The following S1PR2 variants were observed in gnomAD, a reference collection of about 807,000 sequenced individuals.
The protein encoded by S1PR2 is sphingosine-1-phosphate receptor 2.
In S1PR2, 9 loss-of-function variants were observed where a neutral mutation model predicts 16.1. The observed-to-expected ratio is 0.56, with a 90% CI of 0.34 to 0.98. The LOEUF (loss-of-function observed/expected upper bound fraction) is 0.98. Ranked by LOEUF, S1PR2 falls within the 50% of genes least tolerant of loss-of-function variation. The probability of loss-of-function intolerance (pLI) is 0.02; values close to 1 mark genes in which losing one functional copy is unlikely to be tolerated. For synonymous variants in S1PR2, 224 were observed against 233.9 expected (o/e 0.96, Z 0.38); for missense variants, 361 against 488.4 (o/e 0.74, Z 2.46).
rs763419270 is a variant in S1PR2 at position 10,223,840 on chromosome 19, AC to A, written c.*3del. 2.7e-5 allele frequency: 41 copies of A among 1,526,198 alleles called. No homozygotes were observed. Among genetic ancestry groups the A allele is most frequent in the Non-Finnish European group, 3.5e-5 (40 of 1,139,078 alleles). The allele number at this position is 1,526,198 out of a possible 1,614,324, so 94.5% of individuals were successfully genotyped here. A position where few individuals can be genotyped will look rare whatever the true frequency, so the allele number is the denominator to read the frequency against. On this transcript the variant is annotated 3_prime_UTR_variant, in exon 2 of 2. Coordinates refer to ENST00000646641, the MANE Select transcript of S1PR2 (RefSeq NM_004230.4). ...CTGGCCTGGTTGTTGGTCCACCCCC[AC>A]CCTCAGACCACCGTGTTGCCCTCCA...
At chr19:10,227,370 C>T (rs950805154) in intron 1 of S1PR2, among the ~76,000 whole-genome samples, 20 of 152,102 alleles carry the variant, frequency 1.3e-4, no homozygotes, top group Non-Finnish European at 4.4e-5. Flanking sequence ...CATCCTGGCC[C>T]CTGGCTGGAT....
Position 10,223,558 on chromosome 19 carries a change from C to T in S1PR2, c.*286G>A. On this transcript the variant is annotated 3_prime_UTR_variant, in exon 2 of 2. Coordinates refer to ENST00000646641, the MANE Select transcript of S1PR2 (RefSeq NM_004230.4). Reference sequence around the variant, plus strand: ...CTGAGCTCCCCTTAAATGCTGCCTGCCCTCACCCTGGCTCTTCACAGGTCC... The same window carrying T: ...CTGAGCTCCCCTTAAATGCTGCCTGTCCTCACCCTGGCTCTTCACAGGTCC... 2.4e-6 allele frequency: 1 copy of T among 424,004 alleles called. No individual in the cohort carries two copies. The allele number at this position is 424,004 out of a possible 1,614,324, so 26.3% of individuals were successfully genotyped here. A position where few individuals can be genotyped will look rare whatever the true frequency, so the allele number is the denominator to read the frequency against.
chr19:10,224,326 C>G lies in S1PR2; in HGVS notation c.580G>C (p.Val194Leu). 6.2e-7 allele frequency: 1 copy of G among 1,614,150 alleles called. No individual in the cohort carries two copies. The highest frequency in any genetic ancestry group is 8.5e-7 in the Non-Finnish European group (1 of 1,180,048). The change falls in exon 2 of 2, where the codon GTG becomes CTG. Residue 194 changes from valine (V) to leucine (L), a missense_variant. Physicochemically the swap from Val to Leu is conservative, Grantham distance 32. Coordinates refer to ENST00000646641, the MANE Select transcript of S1PR2 (RefSeq NM_004230.4). Reference sequence around the variant, plus strand: ...AGGATGATGGAGAAGATGGTCACCACGCACAGCACATAATGCTTGGCGTAG... The same window carrying G: ...AGGATGATGGAGAAGATGGTCACCAGGCACAGCACATAATGCTTGGCGTAG... The part of the protein sequence containing the change: ...PLYAKHYVLC[V>L]VTIFSIILLA...
At position 10,223,587 on chromosome 19, in the gene S1PR2, G is replaced by A. The variant is rs1344093334; in HGVS notation, c.*257C>T. ...CACCCTGGCTCTTCACAGGTCCCCT[G>A]CCCTGGCCTCCCCAGGATCCAGTTC... On this transcript the variant is annotated 3_prime_UTR_variant, in exon 2 of 2. Coordinates refer to ENST00000646641, the MANE Select transcript of S1PR2 (RefSeq NM_004230.4). The A allele has an allele frequency of 1.1e-5, 5 of 456,906 alleles. No homozygotes were observed. The highest frequency in any genetic ancestry group is 1.9e-5 in the Non-Finnish European group (5 of 260,774). The allele number at this position is 456,906 out of a possible 1,614,324, so 28.3% of individuals were successfully genotyped here. A position where few individuals can be genotyped will look rare whatever the true frequency, so the allele number is the denominator to read the frequency against.
Position 10,224,351 on chromosome 19 carries a change from G to C in S1PR2, c.555C>G (p.Leu185=). Reference sequence around the variant, plus strand: ...CGCACAGCACATAATGCTTGGCGTAGAGAGGCAGGACAGTGGAGCAGGCCT... The same window carrying C: ...CGCACAGCACATAATGCTTGGCGTACAGAGGCAGGACAGTGGAGCAGGCCT... The part of the protein sequence containing the change: ...HLEACSTVLP[L]YAKHYVLCVV... Residue 185 remains leucine (L), a synonymous_variant, in exon 2 of 2, where the codon CTC becomes CTG. Coordinates refer to ENST00000646641, the MANE Select transcript of S1PR2 (RefSeq NM_004230.4). 1 of 1,614,100 alleles carries C rather than the reference G, an allele frequency of 6.2e-7. No individual in the cohort carries two copies. The highest frequency in any genetic ancestry group is 1.3e-5 in the African/African-American group (1 of 75,082).
rs777041753 is a variant in S1PR2 at position 10,224,834 on chromosome 19, C to T, written c.72G>A (p.Thr24=). 6.8e-6 allele frequency: 11 copies of T among 1,614,050 alleles called. No homozygotes were observed. The East Asian group carries it at 8.9e-5, about 13-fold the overall frequency. Residue 24 remains threonine (T), a synonymous_variant, in exon 2 of 2, where the codon ACG becomes ACA. Transcript: ENST00000646641. ...GGGAGGTCGTCTCCTGCGTTTCCAG[C>T]GTCTCCTTGGTATAATTATAGTGTT... ...VQEHYNYTKE[T]LETQETTSRQ... is the part of the protein sequence containing the mutation.
rs141807915 is a variant in S1PR2 at position 10,228,138 on chromosome 19, CAAAAA to C, written c.-43+3061_-43+3065del. Reference sequence around the variant, plus strand: ...CAACATGGTAAAACCCCCCTCTACTCAAAAAAAAAAAAAAAAAAAAAAAATTAGCC... The same window carrying C: ...CAACATGGTAAAACCCCCCTCTACTCAAAAAAAAAAAAAAAAAAATTAGCC... On this transcript the variant is annotated intron_variant, in intron 1 of 1. Transcript: ENST00000646641. 2.9e-4 allele frequency among the ~76,000 whole-genome samples: 28 copies of C among 97,642 alleles called. 1 individual carries two copies. Among genetic ancestry groups the C allele is most frequent in the Middle Eastern group, 5.4e-3 (1 of 184 alleles). The allele number at this position is 97,642 out of a possible 152,430, so 64.1% of individuals were successfully genotyped here.
In S1PR2 at chr19:10,224,526, G is replaced by A. The variant is rs1337142770; in HGVS notation, c.380C>T (p.Ala127Val). Residue 127 changes from alanine to valine, a missense_variant, in exon 2 of 2, where the codon GCC becomes GTC. Transcript: ENST00000646641. ...GGCAATGGCCACGTGGCGCTCAATG[G>A]CGATGGCCAGGAGGCTGAAGACAGA... ...SASVFSLLAI[A>V]IERHVAIAKV... The A allele has an allele frequency of 1.3e-5, 21 of 1,613,732 alleles. No homozygotes were observed. The highest frequency in any genetic ancestry group is 1.7e-5 in the Non-Finnish European group (20 of 1,180,056).
Position 10,224,477 on chromosome 19 carries a change from G to A in S1PR2, c.429C>T (p.Asp143=), listed in dbSNP as rs774990809. ...AIAKVKLYGS[D]KSCRMLLLIG... ...TGAGCAGAAGCATGCGGCAGCTCTT[G>A]TCGCTGCCATACAGCTTGACCTTGG... is the stretch of plus-strand genomic sequence containing the variant. The change falls in exon 2 of 2, where the codon GAC becomes GAT. Residue 143 remains aspartate, a synonymous_variant. Coordinates refer to ENST00000646641, the MANE Select transcript of S1PR2 (RefSeq NM_004230.4). 6.2e-7 allele frequency: 1 copy of A among 1,613,852 alleles called. No individual in the cohort carries two copies. The highest frequency in any genetic ancestry group is 1.7e-5 in the Admixed American group (1 of 60,036).
intron 1 of S1PR2, among the ~76,000 whole-genome samples, chr19:10,228,032 G>A (rs2039646797): frequency 6.6e-6 from 1 of 151,928 alleles, no homozygotes; most frequent in Non-Finnish European, 1.5e-5. Context: ...CGGGCGCAGT[G>A]GCTCATGCCT....
At chr19:10,228,679 G>T (rs1159022339) in intron 1 of S1PR2, among the ~76,000 whole-genome samples, 3 of 152,188 alleles carry the variant, frequency 2.0e-5, no homozygotes, top group Non-Finnish European at 4.4e-5. Context: ...AGGTTACCAG[G>T]TTTTGAGAAG....
rs1305880776 is a variant in S1PR2 at position 10,231,221 on chromosome 19, G to C, written c.-60C>G. 6.6e-6 allele frequency: 1 copy of C among 152,362 alleles called. No homozygotes were observed. Among genetic ancestry groups the C allele is most frequent in the Non-Finnish European group, 1.5e-5 (1 of 68,180 alleles). The allele number at this position is 152,362 out of a possible 1,614,324, so 9.4% of individuals were successfully genotyped here. A position where few individuals can be genotyped will look rare whatever the true frequency, so the allele number is the denominator to read the frequency against. ...GCGCTCACCTGGCTAGGCCGGCCCG[G>C]CTCCCGGCCCTGGCCGGAGGGGCCT... On this transcript the variant is annotated 5_prime_UTR_variant, in exon 1 of 2. Coordinates refer to ENST00000646641, the MANE Select transcript of S1PR2 (RefSeq NM_004230.4).
At position 10,226,678 on chromosome 19, in the gene S1PR2, C is replaced by A. The variant is rs1277848960; in HGVS notation, c.-42-1731G>T. Among the ~76,000 whole-genome samples, 3 of 152,290 alleles carry A rather than the reference C, an allele frequency of 2.0e-5. No homozygotes were observed. The East Asian group carries it at 5.8e-4, about 29-fold the overall frequency. ...CGGGATGGGCAGGGCGCTGGCACCC[C>A]CTCCCCAGCCAGGATGAAATCCAGA... is the stretch of plus-strand genomic sequence containing the variant. On this transcript the variant is annotated intron_variant, in intron 1 of 1. Coordinates refer to ENST00000646641, the MANE Select transcript of S1PR2 (RefSeq NM_004230.4).
chr19:10,227,492 C>T (rs1039314302), intron 1 of S1PR2, among the ~76,000 whole-genome samples: 1 of 152,174 alleles, frequency 6.6e-6, no homozygotes, highest in Non-Finnish European at 1.5e-5. Context: ...CACACAGAGG[C>T]CCCTTGTTCC....
At position 10,223,619 on chromosome 19, in the gene S1PR2, G is replaced by T; in HGVS notation, c.*225C>A. ...CCTCCCCAGGATCCAGTTCTAAAGG[G>T]GTCACACTAGCCACTGGACTGGCCC... On this transcript the variant is annotated 3_prime_UTR_variant, in exon 2 of 2. Coordinates refer to ENST00000646641, the MANE Select transcript of S1PR2 (RefSeq NM_004230.4). 2.0e-6 allele frequency: 1 copy of T among 510,154 alleles called. No homozygotes were observed. The highest frequency in any genetic ancestry group is 3.4e-6 in the Non-Finnish European group (1 of 290,804). The allele number at this position is 510,154 out of a possible 1,614,324, so 31.6% of individuals were successfully genotyped here.
intron 1 of S1PR2, among the ~76,000 whole-genome samples, chr19:10,227,998 G>A (rs546788196): frequency 2.5e-4 from 38 of 152,156 alleles, no homozygotes; most frequent in Non-Finnish European, 5.0e-4. Context: ...TGGCTTCCTG[G>A]ATAAATAAGA....
chr19:10,225,093 C>G (rs984534523), intron 1 of S1PR2, 146 bp from the exon 2 acceptor site: 2 of 589,970 alleles, frequency 3.4e-6, no homozygotes, highest in Non-Finnish European at 6.0e-6. Flanking sequence ...ATCATCATCC[C>G]CACTTACAGA....
At chr19:10,227,054 C>T (rs954959971) in intron 1 of S1PR2, among the ~76,000 whole-genome samples, 4 of 151,704 alleles carry the variant, frequency 2.6e-5, no homozygotes, top group Non-Finnish European at 5.9e-5. Flanking sequence ...AGGCGCTCCT[C>T]GGCAGAGAGG....
Position 10,223,723 on chromosome 19 carries a change from T to G in S1PR2, c.*121A>C. On this transcript the variant is annotated 3_prime_UTR_variant, in exon 2 of 2. Coordinates refer to ENST00000646641, the MANE Select transcript of S1PR2 (RefSeq NM_004230.4). ...TTCCAGGTGTGAAATATTTGCAACA[T>G]CACCCAGGTCTGTGGGGCGGGGGCA... 1.1e-6 allele frequency: 1 copy of G among 905,786 alleles called. No individual in the cohort carries two copies. The highest frequency in any genetic ancestry group is 1.7e-6 in the Non-Finnish European group (1 of 605,370). 56.1% of individuals were successfully genotyped at this position (905,786 alleles called of 1,614,324 possible). A position where few individuals can be genotyped will look rare whatever the true frequency, so the allele number is the denominator to read the frequency against.
Sources: allele counts gnomAD v4.1 joint callset (sites outside exome capture counted in the v4.1 genomes callset), GRCh38; gene constraint gnomAD v4.1.1; transcripts MANE v1.5; gene names NCBI Gene and HGNC (gene_info 2026-07-23, HGNC 2026-07-21).